Variants in SCFD2 observed in about 807,000 individuals in gnomAD.
The protein encoded by SCFD2 is sec1 family domain-containing protein 2.
A neutral mutation model predicts 58.9 loss-of-function variants in SCFD2; 54 were observed. The ratio of observed to expected loss-of-function variants is 0.92; its 90% confidence interval spans 0.74 to 1.15. SCFD2 has a LOEUF of 1.15. Among genes scored for constraint, SCFD2 ranks in the 50% most tolerant of loss-of-function variants. The pLI, the probability that SCFD2 is intolerant of heterozygous loss-of-function variation, is 0.00. For missense variants in SCFD2, 805 were observed against 836.6 expected, an observed-to-expected ratio of 0.96 and a Z score of 0.47; for synonymous variants, 321 against 335.9, an observed-to-expected ratio of 0.96 and a Z score of 0.49.
chr4:53,331,224 C>G (rs1363272224), intron 2 of SCFD2, among the ~76,000 whole-genome samples: 2 of 151,220 alleles, frequency 1.3e-5, no homozygotes, highest in Admixed American at 1.3e-4. Context: ...AGGAATTGAA[C>G]TCAGCTCTGC....
At chr4:53,348,225 A>G (rs936350196) in intron 2 of SCFD2, among the ~76,000 whole-genome samples, 4 of 152,266 alleles carry the variant, frequency 2.6e-5, no homozygotes, top group African/African-American at 9.6e-5. Context: ...TTCAATTGCT[A>G]TAAACAGCCT....
At chr4:52,941,909 C>T (rs1156771971) in intron 5 of SCFD2, among the ~76,000 whole-genome samples, 1 of 152,202 alleles carries the variant, frequency 6.6e-6, no homozygotes, top group Non-Finnish European at 1.5e-5. Context: ...CATCCTTAAT[C>T]TGAAACTCTG....
At chr4:53,237,892 G>T (rs1182819033) in intron 4 of SCFD2, among the ~76,000 whole-genome samples, 1 of 76,222 alleles carries the variant, frequency 1.3e-5, no homozygotes, top group Non-Finnish European at 2.7e-5. Flanking sequence ...CGGGGCGGCT[G>T]GCCTGGCGGG....
At chr4:52,945,802 C>T (rs1415402569) in intron 5 of SCFD2, 2 of 152,124 alleles carry the variant, frequency 1.3e-5, no homozygotes, top group African/African-American at 4.8e-5. Flanking sequence ...ACTTTAAATT[C>T]AATTCTCTTT....
intron 5 of SCFD2, among the ~76,000 whole-genome samples, chr4:53,144,332 ATGTGTGTGTATATG>A (rs1726256661): frequency 6.6e-6 from 1 of 150,878 alleles, no homozygotes; most frequent in Admixed American, 6.6e-5. Context: ...GTGTGTATAT[ATGTGTGTGTATATG>A]TAAGTATATA....
At chr4:52,883,955 G>C (rs1467341320) in intron 8 of SCFD2, among the ~76,000 whole-genome samples, 1 of 152,122 alleles carries the variant, frequency 6.6e-6, no homozygotes, top group Non-Finnish European at 1.5e-5. Flanking sequence ...CCTCCGTTGG[G>C]TGTCTGGAGA....
chr4:53,352,806 G>C (rs745400475), intron 1 of SCFD2, 40 bp from the exon 2 acceptor site: 22 of 1,548,748 alleles, frequency 1.4e-5, no homozygotes, highest in Non-Finnish European at 1.7e-5. Flanking sequence ...CATAAAATGG[G>C]AGGAAAAAGC....
chr4:53,103,768 TAAAA>T (rs35959095), intron 5 of SCFD2, among the ~76,000 whole-genome samples: 2 of 34,028 alleles, frequency 5.9e-5, no homozygotes, highest in Admixed American at 4.9e-4. Context: ...AGTAAGGAAG[TAAAA>T]AAAAAAAAAA....
intron 5 of SCFD2, among the ~76,000 whole-genome samples, chr4:52,961,011 G>A (rs1266104907): frequency 6.6e-6 from 1 of 152,178 alleles, no homozygotes; most frequent in African/African-American, 2.4e-5. Flanking sequence ...GCGGGACCTT[G>A]CAGGAGAGGC....
intron 3 of SCFD2, among the ~76,000 whole-genome samples, chr4:53,297,459 C>T (rs886473720): frequency 6.6e-6 from 1 of 151,818 alleles, no homozygotes; most frequent in Non-Finnish European, 1.5e-5. Context: ...AATTGCAACC[C>T]TTGGTTTTTT....
intron 4 of SCFD2, among the ~76,000 whole-genome samples, chr4:53,256,830 G>A (rs1308035155): frequency 3.4e-5 from 5 of 148,376 alleles, no homozygotes; most frequent in East Asian, 2.1e-4. Context: ...GTCCAGCTTC[G>A]GCTAGGCATC....
At chr4:53,011,266 C>CT (rs1029362234) in intron 5 of SCFD2, among the ~76,000 whole-genome samples, 27 of 151,960 alleles carry the variant, frequency 1.8e-4, no homozygotes, top group South Asian at 1.0e-3. Flanking sequence ...TTTTTCCCCC[C>CT]CAAAGAAGTC....
Position 52,932,158 on chromosome 4 carries a change from G to A in SCFD2, c.1562-11288C>T, listed in dbSNP as rs76305842. 3.4e-3 allele frequency among the ~76,000 whole-genome samples: 522 copies of A among 152,330 alleles called. 3 individuals are homozygous for A. The highest frequency in any genetic ancestry group is 5.6e-3 in the Non-Finnish European group (381 of 68,028). ...ATGGTGATTTGTTTAAAGAGATAAC[G>A]TTATACTTTATTTTAGAAATGCCAA... is the stretch of plus-strand genomic sequence containing the variant. On this transcript the variant is annotated intron_variant, in intron 5 of 8. Coordinates refer to ENST00000401642, the MANE Select transcript of SCFD2 (RefSeq NM_152540.4).
At chr4:52,895,417 C>G (rs764877568) in intron 7 of SCFD2, among the ~76,000 whole-genome samples, 1 of 152,106 alleles carries the variant, frequency 6.6e-6, no homozygotes, top group African/African-American at 2.4e-5. Flanking sequence ...TGAGAACATG[C>G]GGTGTTTGGT....
intron 5 of SCFD2, among the ~76,000 whole-genome samples, chr4:52,929,956 A>G (rs1222060638): frequency 1.3e-5 from 2 of 152,202 alleles, no homozygotes; most frequent in African/African-American, 4.8e-5. Context: ...AGATTCAGCT[A>G]TTTCCATTAA....
At chr4:53,274,096 G>T in intron 3 of SCFD2, 95 bp from the exon 4 acceptor site, 2 of 1,111,894 alleles carry the variant, frequency 1.8e-6, no homozygotes, top group Non-Finnish European at 2.5e-6. Context: ...TTGTATTTGG[G>T]CAGAACTTCA....
chr4:53,078,142 T>C (rs563964194), intron 5 of SCFD2, among the ~76,000 whole-genome samples: 8 of 152,302 alleles, frequency 5.3e-5, no homozygotes, highest in East Asian at 3.9e-4. Context: ...TATACTACAA[T>C]AGATCAATTG....
At chr4:53,267,892 A>G (rs1276139743) in intron 4 of SCFD2, among the ~76,000 whole-genome samples, 2 of 152,234 alleles carry the variant, frequency 1.3e-5, no homozygotes, top group South Asian at 2.1e-4. Context: ...TAATATGTCA[A>G]ATTTCTTCAG....
At chr4:53,233,230 A>T (rs1387671578) in intron 4 of SCFD2, among the ~76,000 whole-genome samples, 3 of 152,288 alleles carry the variant, frequency 2.0e-5, no homozygotes, top group South Asian at 4.1e-4. Flanking sequence ...GAAAAAAAAA[A>T]TCCTAGCACC....
Sources: gnomAD v4.1 joint callset for allele counts (sites outside exome capture counted in the v4.1 genomes callset) on GRCh38, gnomAD v4.1.1 for gene constraint, MANE v1.5 for transcripts, NCBI Gene and HGNC (gene_info 2026-07-23, HGNC 2026-07-21) for gene names.